NKAIN2: variants seen among roughly 807,000 people sequenced by gnomAD.
NKAIN2 encodes sodium/potassium transporting ATPase interacting 2, also known as sodium/potassium-transporting ATPase subunit beta-1-interacting protein 2.
NKAIN2 carries 14 observed loss-of-function variants against 32.6 expected under a neutral mutation model. The observed-to-expected ratio is 0.43, with a 90% confidence interval of 0.28 to 0.67. NKAIN2 has a LOEUF of 0.67. Among genes scored for constraint, NKAIN2 ranks in the 30% least tolerant of loss-of-function variants. The pLI, the probability that NKAIN2 is intolerant of heterozygous loss-of-function variation, is 0.17. For missense variants in NKAIN2, 198 were observed against 258.3 expected (o/e 0.77, Z 1.60); for synonymous variants, 80 against 87.2 (o/e 0.92, Z 0.46).
intron 1 of NKAIN2, among the ~76,000 whole-genome samples, chr6:123,874,612 T>G: frequency 6.6e-6 from 1 of 152,164 alleles, no homozygotes; most frequent in East Asian, 1.9e-4. Context: ...TTTTAAAATA[T>G]AATTCACTTC....
intron 1 of NKAIN2, among the ~76,000 whole-genome samples, chr6:124,161,277 G>A (rs1010021234): frequency 2.6e-5 from 4 of 151,992 alleles, no homozygotes. Flanking sequence ...ATAAGGGGAG[G>A]TGCTACACAC....
At chr6:124,407,025 A>G (rs1773891576) in intron 3 of NKAIN2, among the ~76,000 whole-genome samples, 1 of 152,146 alleles carries the variant, frequency 6.6e-6, no homozygotes, top group Non-Finnish European at 1.5e-5. Context: ...GTGGCTTAAC[A>G]TTTCATTTCA....
chr6:124,283,151 A>G lies in NKAIN2; in HGVS notation c.192+9A>G. The G allele has an allele frequency of 6.3e-7, 1 of 1,592,234 alleles. No homozygotes were observed. Among genetic ancestry groups the G allele is most frequent in the Non-Finnish European group, 8.6e-7 (1 of 1,161,120 alleles). ...CTCGTTACATAACAGGAGTAAGTACATTTTCTGCCTTTTAAAAATCTTATT... is the reference window on the plus strand; with the variant it reads ...CTCGTTACATAACAGGAGTAAGTACGTTTTCTGCCTTTTAAAAATCTTATT... On this transcript the variant is annotated intron_variant, in intron 2 of 6. Transcript: ENST00000368417.
intron 3 of NKAIN2, among the ~76,000 whole-genome samples, chr6:124,653,332 A>C (rs953604306): frequency 6.6e-6 from 1 of 152,008 alleles, no homozygotes; most frequent in Non-Finnish European, 1.5e-5. Flanking sequence ...GAGAACCTAG[A>C]AGTCCACCCA....
chr6:124,411,010 C>CT (rs1187201596), intron 3 of NKAIN2, among the ~76,000 whole-genome samples: 1 of 151,642 alleles, frequency 6.6e-6, no homozygotes, highest in Non-Finnish European at 1.5e-5. Flanking sequence ...CAACCCCTGC[C>CT]TTTTTTTGTT....
At chr6:124,358,546 A>C (rs1799104221) in intron 3 of NKAIN2, among the ~76,000 whole-genome samples, 1 of 152,090 alleles carries the variant, frequency 6.6e-6, no homozygotes, top group Non-Finnish European at 1.5e-5. Flanking sequence ...GCATTTTTTC[A>C]TGTGTCTTTT....
Position 124,283,138 on chromosome 6 carries a change from C to T in NKAIN2, c.188C>T (p.Thr63Ile). 1 of 1,601,248 alleles carries T rather than the reference C, an allele frequency of 6.2e-7. No individual in the cohort carries two copies. The highest frequency in any genetic ancestry group is 8.6e-7 in the Non-Finnish European group (1 of 1,168,552). ...ATTCAATATAGACCTCGTTACATAACAGGAGTAAGTACATTTTCTGCCTTT... is the reference window on the plus strand; with the variant it reads ...ATTCAATATAGACCTCGTTACATAATAGGAGTAAGTACATTTTCTGCCTTT... ...GTIQYRPRYI[T>I]GYAVWLVLWV... Residue 63 changes from threonine to isoleucine, a missense_variant, in exon 2 of 7, where the codon ACA becomes ATA. Thr to Ile is a moderately conservative substitution (Grantham distance 89). Transcript: ENST00000368417.
intron 1 of NKAIN2, among the ~76,000 whole-genome samples, chr6:124,115,377 C>A (rs1785561348): frequency 6.6e-6 from 1 of 152,040 alleles, no homozygotes; most frequent in Non-Finnish European, 1.5e-5. Flanking sequence ...TGTCATGTGC[C>A]TTCACATATT....
chr6:124,214,761 C>T (rs957401886), intron 1 of NKAIN2, among the ~76,000 whole-genome samples: 2 of 152,090 alleles, frequency 1.3e-5, no homozygotes, highest in African/African-American at 4.8e-5. Context: ...AAATGGGCTT[C>T]AGGGTGGGGA....
chr6:124,415,877 G>GAT (rs1491509779), intron 3 of NKAIN2, among the ~76,000 whole-genome samples: 1 of 40,816 alleles, frequency 2.5e-5, no homozygotes, highest in Non-Finnish European at 5.8e-5. Flanking sequence ...TTTTTTATTT[G>GAT]CTTTTTTTTT....
intron 1 of NKAIN2, among the ~76,000 whole-genome samples, chr6:124,145,099 A>G (rs1030078570): frequency 1.3e-5 from 2 of 152,212 alleles, no homozygotes; most frequent in Non-Finnish European, 2.9e-5. Context: ...ATATATCACA[A>G]TGGCCAAAAT....
intron 1 of NKAIN2, among the ~76,000 whole-genome samples, chr6:124,198,976 G>A (rs539086912): frequency 1.3e-5 from 2 of 152,224 alleles, no homozygotes; most frequent in African/African-American, 4.8e-5. Flanking sequence ...CAGTGGGGGT[G>A]GAAATCCTCT....
At chr6:124,374,033 T>C (rs923832174) in intron 3 of NKAIN2, among the ~76,000 whole-genome samples, 19 of 152,090 alleles carry the variant, frequency 1.2e-4, no homozygotes, top group African/African-American at 4.6e-4. Flanking sequence ...GGAAGCAACA[T>C]AGTGAGACGG....
intron 1 of NKAIN2, among the ~76,000 whole-genome samples, chr6:124,253,907 C>A (rs532513674): frequency 6.6e-6 from 1 of 150,896 alleles, no homozygotes; most frequent in East Asian, 2.0e-4. Flanking sequence ...AACCTCCACT[C>A]CCCAGGTTCA....
intron 1 of NKAIN2, among the ~76,000 whole-genome samples, chr6:124,097,292 C>T (rs138198068): frequency 0.011 from 1,645 of 151,102 alleles, 32 homozygotes; most frequent in African/African-American, 0.036. Flanking sequence ...CCCAGCTACT[C>T]GAGAGGCTGA....
intron 1 of NKAIN2, among the ~76,000 whole-genome samples, chr6:124,028,991 C>G (rs1781284686): frequency 6.7e-6 from 1 of 148,988 alleles, no homozygotes; most frequent in South Asian, 2.1e-4. Flanking sequence ...CAGAAATAAG[C>G]AATTTATTCC....
intron 3 of NKAIN2, among the ~76,000 whole-genome samples, chr6:124,429,322 A>G (rs1378100670): frequency 6.6e-6 from 1 of 151,956 alleles, no homozygotes; most frequent in East Asian, 1.9e-4. Context: ...GCCTGGGATT[A>G]CTGGCGTGAG....
intron 2 of NKAIN2, among the ~76,000 whole-genome samples, chr6:124,345,002 G>A (rs1309591841): frequency 5.3e-5 from 8 of 152,068 alleles, no homozygotes; most frequent in South Asian, 4.1e-4. Context: ...TTTGAGATAC[G>A]TCCCATCAAT....
At chr6:124,349,417 A>G (rs2115120852) in intron 2 of NKAIN2, among the ~76,000 whole-genome samples, 1 of 150,994 alleles carries the variant, frequency 6.6e-6, no homozygotes, top group East Asian at 1.9e-4. Flanking sequence ...AATTAGCAGC[A>G]TGATATCTGT....
Sources: gnomAD v4.1 joint callset for allele counts (sites outside exome capture counted in the v4.1 genomes callset) on GRCh38, gnomAD v4.1.1 for gene constraint, MANE v1.5 for transcripts, NCBI Gene and HGNC (gene_info 2026-07-23, HGNC 2026-07-21) for gene names.